PHEX: variants seen among roughly 807,000 people sequenced by gnomAD.
The protein encoded by PHEX is phosphate-regulating neutral endopeptidase PHEX.
A neutral mutation model predicts 68.0 loss-of-function variants in PHEX; 16 were observed. The ratio of observed to expected loss-of-function variants is 0.24; its 90% CI spans 0.16 to 0.36. PHEX has a LOEUF of 0.36. Ranked by LOEUF, PHEX falls within the 10% of genes least tolerant of loss-of-function variation. PHEX has a pLI of 1.00. For synonymous variants in PHEX, 208 were observed against 205.1 expected, an observed-to-expected ratio of 1.01 and a Z score of -0.12; for missense variants, 480 against 575.5, an observed-to-expected ratio of 0.83 and a Z score of 1.70.
chrX:22,176,394 AAAAAAAAAATATATAT>A (rs1349555262), intron 13 of PHEX, among the ~76,000 whole-genome samples: 33 of 81,861 alleles, frequency 4.0e-4, no homozygotes, highest in African/African-American at 2.0e-3. Flanking sequence ...CAAAAAAAAA[AAAAAAAAAATATATAT>A]ATATATATAT....
intron 9 of PHEX, among the ~76,000 whole-genome samples, chrX:22,106,807 G>T (rs1278994387): frequency 9.5e-6 from 1 of 105,012 alleles, no homozygotes; most frequent in Non-Finnish European, 1.9e-5. Context: ...CCAAATAGAG[G>T]CTTTAATTCA....
intron 6 of PHEX, 97 bp from the exon 7 acceptor site, chrX:22,093,886 A>G (rs913137863): frequency 3.6e-6 from 2 of 553,735 alleles, no homozygotes; most frequent in Non-Finnish European, 6.4e-6. Context: ...AATAAAAGAC[A>G]TTTATTTCTA....
intron 16 of PHEX, among the ~76,000 whole-genome samples, chrX:22,215,794 C>T (rs1197940366): frequency 9.0e-6 from 1 of 110,948 alleles, no homozygotes; most frequent in African/African-American, 3.3e-5. Flanking sequence ...CCCAAACTCC[C>T]CGGTGTTTTG....
intron 10 of PHEX, among the ~76,000 whole-genome samples, chrX:22,112,922 G>C (rs916125206): frequency 4.6e-5 from 5 of 109,818 alleles, no homozygotes; most frequent in African/African-American, 1.7e-4. Flanking sequence ...AAGAAAAAAA[G>C]TCTTTTTTAC....
chrX:22,171,962 A>C (rs747778992), intron 13 of PHEX: 2 of 112,102 alleles, frequency 1.8e-5, no homozygotes, highest in Non-Finnish European at 3.8e-5. Context: ...GATCAGACGA[A>C]GGTCAAGGAG....
intron 18 of PHEX, among the ~76,000 whole-genome samples, chrX:22,225,460 G>GTGT (rs1201969997): frequency 9.0e-6 from 1 of 111,511 alleles, no homozygotes; most frequent in African/African-American, 3.3e-5. Flanking sequence ...GTTATCCTGC[G>GTGT]TGTTATACAA....
chrX:22,035,759 A>G (rs764631555), intron 1 of PHEX, among the ~76,000 whole-genome samples: 62 of 110,710 alleles, frequency 5.6e-4, no homozygotes, highest in African/African-American at 1.9e-3. Context: ...GAAATCTACA[A>G]TGAGAAACCA....
intron 3 of PHEX, among the ~76,000 whole-genome samples, chrX:22,058,634 G>A (rs765368841): frequency 1.2e-4 from 13 of 111,843 alleles, no homozygotes; most frequent in Non-Finnish European, 2.4e-4. Context: ...AACCCTGGAC[G>A]GTTTTGATAA....
chrX:22,066,417 T>G (rs1161440490), intron 3 of PHEX, among the ~76,000 whole-genome samples: 1 of 112,425 alleles, frequency 8.9e-6, no homozygotes, highest in East Asian at 2.8e-4. Context: ...TGAAAGATCA[T>G]TGCTTCTTCT....
At chrX:22,119,841 C>A (rs1931410134) in intron 11 of PHEX, among the ~76,000 whole-genome samples, 1 of 110,697 alleles carries the variant, frequency 9.0e-6, no homozygotes, top group Non-Finnish European at 1.9e-5. Flanking sequence ...AAGTGATCTC[C>A]CTGCCTCAGC....
chrX:22,168,070 T>C (rs1015423104), intron 12 of PHEX, among the ~76,000 whole-genome samples: 1 of 111,544 alleles, frequency 9.0e-6, no homozygotes, highest in African/African-American at 3.3e-5. Context: ...ATTGTCTATT[T>C]CTATTAAATT....
In PHEX at chrX:22,249,455, A is replaced by AAAAAAAAAAAT; in HGVS notation, c.*1503_*1504insAAAAAAAAATA. On this transcript the variant is annotated 3_prime_UTR_variant, in exon 22 of 22. Transcript: ENST00000379374. ...TTGTGATTCTTTTAAAAAAAAAAAA[A>AAAAAAAAAAAT]ATATATATATATATATATATATATA... is the stretch of plus-strand genomic sequence containing the variant. 42 of 39,738 alleles carry AAAAAAAAAAAT rather than the reference A, an allele frequency of 1.1e-3. 1 individual carries two copies. The highest frequency in any genetic ancestry group is 6.7e-3 in the African/African-American group (40 of 5,999). The allele number at this position is 39,738 out of a possible 1,213,427, so 3.3% of individuals were successfully genotyped here. A position where few individuals can be genotyped will look rare whatever the true frequency, so the allele number is the denominator to read the frequency against.
chrX:22,213,883 C>G (rs922139488), intron 16 of PHEX, among the ~76,000 whole-genome samples: 1 of 112,018 alleles, frequency 8.9e-6, no homozygotes, highest in African/African-American at 3.2e-5. Flanking sequence ...GGTAGCAGAC[C>G]TTGTGGTAAG....
intron 5 of PHEX, among the ~76,000 whole-genome samples, chrX:22,089,564 C>A (rs1375153742): frequency 2.7e-5 from 3 of 109,164 alleles, no homozygotes; most frequent in Non-Finnish European, 3.8e-5. Flanking sequence ...GGGATTACAG[C>A]CACACGCTAC....
chrX:22,205,612 T>C (rs1934684367), intron 15 of PHEX, among the ~76,000 whole-genome samples: 1 of 108,622 alleles, frequency 9.2e-6, no homozygotes, highest in South Asian at 3.7e-4. Context: ...CATCAGCATT[T>C]ATAAGTTATT....
chrX:22,045,020 GTT>G lies in PHEX; in HGVS notation c.188-2021_188-2020del, dbSNP rs1193698964. ...GCTTCTAAACCAATTTTTTGCTAGT[GTT>G]TTTTTTTTGTGTGTGTGTGTGTGTT... On this transcript the variant is annotated intron_variant, in intron 2 of 21. Transcript: ENST00000379374. 8.1e-3 allele frequency among the ~76,000 whole-genome samples: 835 copies of G among 102,981 alleles called. 10 individuals carry two copies. Among genetic ancestry groups the G allele is most frequent in the African/African-American group, 0.028 (778 of 27,795 alleles). 89.4% of individuals were successfully genotyped at this position (102,981 alleles called of 115,157 possible). A position where few individuals can be genotyped will look rare whatever the true frequency, so the allele number is the denominator to read the frequency against.
chrX:22,211,921 T>C (rs1934938918), intron 15 of PHEX, among the ~76,000 whole-genome samples: 2 of 111,774 alleles, frequency 1.8e-5, no homozygotes, highest in Non-Finnish European at 3.8e-5. Context: ...TTCACTACCA[T>C]GAGAACAGTA....
chrX:22,242,893 T>C (rs1008107679), intron 20 of PHEX, among the ~76,000 whole-genome samples: 10 of 112,084 alleles, frequency 8.9e-5, no homozygotes, highest in Non-Finnish European at 1.7e-4. Flanking sequence ...CCCATCAAGC[T>C]ACCAATGACT....
chrX:22,232,596 C>CTTTTTTTTTT lies in PHEX; in HGVS notation c.2070+5006_2070+5015dup, dbSNP rs745474280. ...TCAGAGATTAGGATTGCCACTTCTG[C>CTTTTTTTTTT]TTTTTTTTTTTTTTTTTTTTTTTTT... is the stretch of plus-strand genomic sequence containing the variant. On this transcript the variant is annotated intron_variant, in intron 20 of 21. Transcript: ENST00000379374. Among the ~76,000 whole-genome samples the CTTTTTTTTTT allele has an allele frequency of 2.4e-3, 44 of 18,540 alleles. 8 individuals are homozygous for CTTTTTTTTTT. The highest frequency in any genetic ancestry group is 3.4e-3 in the Non-Finnish European group (33 of 9,731). 16.1% of individuals were successfully genotyped at this position (18,540 alleles called of 115,157 possible).
Sources: allele counts gnomAD v4.1 joint callset (sites outside exome capture counted in the v4.1 genomes callset), GRCh38; gene constraint gnomAD v4.1.1; transcripts MANE v1.5; gene names NCBI Gene and HGNC (gene_info 2026-07-23, HGNC 2026-07-21).